SUPT5H: variants seen among roughly 807,000 people sequenced by gnomAD.
SUPT5H encodes SPT5 homolog, DSIF elongation factor subunit, also known as transcription elongation factor SPT5.
A neutral mutation model predicts 142.5 loss-of-function variants in SUPT5H; 24 were observed. The ratio of observed to expected loss-of-function variants is 0.17; its 90% CI spans 0.12 to 0.24. The LOEUF (loss-of-function observed/expected upper bound fraction) is 0.24. Ranked by LOEUF, SUPT5H falls within the 10% of genes least tolerant of loss-of-function variation. The pLI, the probability that SUPT5H is intolerant of heterozygous loss-of-function variation, is 1.00. For missense variants in SUPT5H, 893 were observed against 1,471.8 expected (o/e 0.61, Z 6.43); for synonymous variants, 546 against 553.0 (o/e 0.99, Z 0.18).
In SUPT5H at chr19:39,457,754, C is replaced by T. The variant is rs1568422698; in HGVS notation, c.307+14C>T. 10 of 1,613,952 alleles carry T rather than the reference C, an allele frequency of 6.2e-6. No homozygotes were observed. The African/African-American group carries it at 8.0e-5, about 13-fold the overall frequency. ...TTCTAGAGAAAGGTGTGTGTGAGCC[C>T]TGCCTCCACAAGACTACTGGGAAGA... On this transcript the variant is annotated intron_variant, in intron 4 of 29. Transcript: ENST00000432763.
chr19:39,463,753 C>T (rs2079196642), intron 10 of SUPT5H, among the ~76,000 whole-genome samples: 1 of 152,188 alleles, frequency 6.6e-6, no homozygotes, highest in African/African-American at 2.4e-5. Context: ...CAGGGTATTG[C>T]AGTCAGTGAT....
rs1022935381 is a variant in SUPT5H, at chr19:39,469,944, C to G, written c.1375-175C>G. The G allele has an allele frequency of 3.8e-6, 3 of 788,548 alleles. No homozygotes were observed. The highest frequency in any genetic ancestry group is 5.9e-6 in the Non-Finnish European group (3 of 506,630). The allele number at this position is 788,548 out of a possible 1,614,324, so 48.8% of individuals were successfully genotyped here. On this transcript the variant is annotated intron_variant, in intron 16 of 29. Transcript: ENST00000432763. This position sits in a 1 kb window ranked among gnomAD's most constrained non-coding sequence, Gnocchi z 5.1. ...GTTGGTGTCCTGTGTCTGGGGTCAG[C>G]TGTTTCTGGGGCAGTCTGAGGGGTC...
chr19:39,472,568 C>T lies in SUPT5H; in HGVS notation c.2035+75C>T, dbSNP rs1394966919. On this transcript the variant is annotated intron_variant, in intron 21 of 29. Transcript: ENST00000432763. The surrounding 1 kb of genome is among the most constrained non-coding windows in gnomAD (Gnocchi z 4.2). ...GGAACTTGGTTGTTCAGCCTACACT[C>T]ACTGAGTGCCTGTGCTGGGCTGGGC... 35 of 1,532,616 alleles carry T rather than the reference C, an allele frequency of 2.3e-5. No individual in the cohort carries two copies. The highest frequency in any genetic ancestry group is 3.1e-5 in the Non-Finnish European group (35 of 1,112,654). The allele number at this position is 1,532,616 out of a possible 1,614,324, so 94.9% of individuals were successfully genotyped here.
intron 3 of SUPT5H, among the ~76,000 whole-genome samples, chr19:39,456,384 C>T (rs562582934): frequency 6.7e-6 from 1 of 148,512 alleles, no homozygotes; most frequent in South Asian, 2.2e-4. Context: ...TGTGCATCAC[C>T]AGGCCTGACT....
At position 39,476,633 on chromosome 19, in the gene SUPT5H, T is replaced by A; in HGVS notation, c.*234T>A. ...TCCTCCCCACAGCTTGCTTTTGTTG[T>A]ACCGTCTTTCAATAAAAAGAAGCTG... On this transcript the variant is annotated 3_prime_UTR_variant, in exon 30 of 30. Coordinates refer to ENST00000432763, the MANE Select transcript of SUPT5H (RefSeq NM_001111020.3). 1.8e-6 allele frequency: 1 copy of A among 564,646 alleles called. No homozygotes were observed. Among genetic ancestry groups the A allele is most frequent in the Non-Finnish European group, 3.1e-6 (1 of 319,486 alleles). The allele number at this position is 564,646 out of a possible 1,614,324, so 35.0% of individuals were successfully genotyped here.
In SUPT5H at chr19:39,476,285, A is replaced by G; in HGVS notation, c.3150A>G (p.Glu1050=). ...KVKVILGEDR[E]ATGVLLSIDG... ...AAGTGATCCTGGGCGAGGATCGGGA[A>G]GCCACGGGCGTCCTACTGAGCATTG... The change falls in exon 30 of 30, where the codon GAA becomes GAG. Residue 1050 remains glutamate (E), a synonymous_variant. Transcript: ENST00000432763. 6.2e-7 allele frequency: 1 copy of G among 1,614,082 alleles called. No homozygotes were observed. Among genetic ancestry groups the G allele is most frequent in the Non-Finnish European group, 8.5e-7 (1 of 1,180,008 alleles).
chr19:39,471,955 C>T, intron 20 of SUPT5H: 1 of 647,880 alleles, frequency 1.5e-6, no homozygotes, highest in Non-Finnish European at 2.5e-6. Flanking sequence ...CTGTTAGGTG[C>T]CAGACACTGG....
At position 39,458,133 on chromosome 19, in the gene SUPT5H, C is replaced by A; in HGVS notation, c.308-161C>A. ...CCAACCACCTGGTGCCTGGCCTTTACTTTTGGTTTTCAACCTTTCTGTGTC... is the reference window on the plus strand; with the variant it reads ...CCAACCACCTGGTGCCTGGCCTTTAATTTTGGTTTTCAACCTTTCTGTGTC... On this transcript the variant is annotated intron_variant, in intron 4 of 29. Transcript: ENST00000432763. This position sits in a 1 kb window ranked among gnomAD's most constrained non-coding sequence, Gnocchi z 4.2. 7.8e-7 allele frequency: 1 copy of A among 1,277,184 alleles called. No homozygotes were observed. Among genetic ancestry groups the A allele is most frequent in the Non-Finnish European group, 1.1e-6 (1 of 944,392 alleles). The allele number at this position is 1,277,184 out of a possible 1,614,324, so 79.1% of individuals were successfully genotyped here.
Position 39,458,468 on chromosome 19 carries a change from G to A in SUPT5H, c.319+163G>A. ...CAGAGTCAGGGAGTTCTGGGGCCAG[G>A]TATACCCCAGTTGTTGACCTGGGAA... is the stretch of plus-strand genomic sequence containing the variant. On this transcript the variant is annotated intron_variant, in intron 5 of 29. Transcript: ENST00000432763. This position sits in a 1 kb window ranked among gnomAD's most constrained non-coding sequence, Gnocchi z 4.2. The A allele has an allele frequency of 7.9e-7, 1 of 1,273,034 alleles. No individual in the cohort carries two copies. The highest frequency in any genetic ancestry group is 1.1e-6 in the Non-Finnish European group (1 of 920,230). The allele number at this position is 1,273,034 out of a possible 1,614,324, so 78.9% of individuals were successfully genotyped here. A position where few individuals can be genotyped will look rare whatever the true frequency, so the allele number is the denominator to read the frequency against.
rs1262167692 is a variant in SUPT5H at position 39,465,248 on chromosome 19, G to A, written c.876+199G>A. ...ACATTCCCAGGCGTGTTGAGTAAAG[G>A]TCTGAAGGATCGGAGGGCGTGAGGC... On this transcript the variant is annotated intron_variant, in intron 11 of 29. Transcript: ENST00000432763. 2.0e-5 allele frequency among the ~76,000 whole-genome samples: 3 copies of A among 152,236 alleles called. No homozygotes were observed. The East Asian group carries it at 5.8e-4, about 29-fold the overall frequency.
chr19:39,471,883 G>A, intron 20 of SUPT5H, 153 bp downstream of exon 20: 1 of 1,135,058 alleles, frequency 8.8e-7, no homozygotes, highest in Non-Finnish European at 1.2e-6. Context: ...AGGTTTATTT[G>A]GGATTCTGAG....
Position 39,459,674 on chromosome 19 carries a change from G to T in SUPT5H, c.555+85G>T, listed in dbSNP as rs909490685. 4.4e-5 allele frequency: 69 copies of T among 1,558,158 alleles called. No homozygotes were observed. The Admixed American group carries it at 6.6e-4, about 15-fold the overall frequency. ...GGGGAGAAGTGTCTGTCTGTCCCGG[G>T]TCTCCGTGGCCTGCCAGTCACTTGG... On this transcript the variant is annotated intron_variant, in intron 9 of 29. Transcript: ENST00000432763.
chr19:39,475,393 C>A (rs1218244033), intron 28 of SUPT5H, among the ~76,000 whole-genome samples: 158 of 132,836 alleles, frequency 1.2e-3, no homozygotes, highest in African/African-American at 1.3e-3. Flanking sequence ...CAAGACTCCT[C>A]AAAAAAAAAA....
chr19:39,453,282 A>T, intron 2 of SUPT5H, 74 bp from the exon 3 acceptor site: 1 of 1,508,814 alleles, frequency 6.6e-7, no homozygotes, highest in Non-Finnish European at 8.9e-7. Context: ...GGTCAGATTT[A>T]GGGTGAGGAA....
In SUPT5H at chr19:39,469,083, C is replaced by T. The variant is rs767152685; in HGVS notation, c.1148C>T (p.Thr383Met). The T allele has an allele frequency of 7.4e-6, 12 of 1,613,998 alleles. No homozygotes were observed. The highest frequency in any genetic ancestry group is 4.0e-5 in the African/African-American group (3 of 74,904). Residue 383 changes from threonine (T) to methionine (M), a missense_variant, in exon 15 of 30, where the codon ACG (threonine) becomes ATG (methionine). This residue lies in a region of SUPT5H where 428 missense variants were observed against 763.5 expected (regional missense o/e 0.56). Coordinates refer to ENST00000432763, the MANE Select transcript of SUPT5H (RefSeq NM_001111020.3). The surrounding 1 kb of genome is among the most constrained non-coding windows in gnomAD (Gnocchi z 5.1). ...FKSFAMSAVI[T>M]EGVKPTLSEL... is the part of the protein sequence containing the mutation. ...CCCTCACCGCTGGGGGCTTAGATCACGGAGGGTGTGAAGCCAACACTCTCT... is the reference window on the plus strand; with the variant it reads ...CCCTCACCGCTGGGGGCTTAGATCATGGAGGGTGTGAAGCCAACACTCTCT...
Position 39,458,202 on chromosome 19 carries a change from T to C in SUPT5H, c.308-92T>C. 6.5e-7 allele frequency: 1 copy of C among 1,545,164 alleles called. No homozygotes were observed. The highest frequency in any genetic ancestry group is 8.7e-7 in the Non-Finnish European group (1 of 1,151,228). ...AACCCATTGGTTGATTTTGCTGCTA[T>C]AATTTGGCTCATACTTTGTCTGCCC... On this transcript the variant is annotated intron_variant, in intron 4 of 29. Coordinates refer to ENST00000432763, the MANE Select transcript of SUPT5H (RefSeq NM_001111020.3). The surrounding 1 kb of genome is among the most constrained non-coding windows in gnomAD (Gnocchi z 4.2).
chr19:39,456,811 G>A (rs920265191), intron 3 of SUPT5H, among the ~76,000 whole-genome samples: 5 of 152,024 alleles, frequency 3.3e-5, no homozygotes, highest in South Asian at 4.2e-4. Context: ...TTCCCACTTC[G>A]GCCTCCCAAA....
Position 39,473,894 on chromosome 19 carries a change from G to T in SUPT5H, c.2493-69G>T. ...TTGCTTCAGTTGGGGGTCTGGTGTA[G>T]GGTGCTGTTCTGGAAGCATCCATCG... On this transcript the variant is annotated intron_variant, in intron 25 of 29. Coordinates refer to ENST00000432763, the MANE Select transcript of SUPT5H (RefSeq NM_001111020.3). The surrounding 1 kb of genome is among the most constrained non-coding windows in gnomAD (Gnocchi z 5.8). 6.2e-7 allele frequency: 1 copy of T among 1,602,778 alleles called. No homozygotes were observed. Among genetic ancestry groups the T allele is most frequent in the South Asian group, 1.1e-5 (1 of 90,868 alleles).
At chr19:39,451,582 A>G (rs914485489) in intron 2 of SUPT5H, among the ~76,000 whole-genome samples, 1 of 152,094 alleles carries the variant, frequency 6.6e-6, no homozygotes, top group Non-Finnish European at 1.5e-5. Context: ...GCCAGGCTGG[A>G]GTGCAGTGGT....
Sources: gnomAD v4.1 joint callset for allele counts (sites outside exome capture counted in the v4.1 genomes callset) on GRCh38, gnomAD v4.1.1 for gene constraint, gnomAD v4.1.1 regional missense constraint, Gnocchi (gnomAD v3.1) non-coding constraint, MANE v1.5 for transcripts, NCBI Gene and HGNC (gene_info 2026-07-23, HGNC 2026-07-21) for gene names.